Variants in CREBBP observed in about 807,000 individuals in gnomAD.
CREBBP encodes CREB-binding protein.
In CREBBP, 19 loss-of-function variants were observed where a neutral mutation model predicts 265.0. The observed-to-expected ratio is 0.07, with a 90% CI of 0.05 to 0.11. The LOEUF (loss-of-function observed/expected upper bound fraction) is 0.11. Among genes scored for constraint, CREBBP ranks in the 10% least tolerant of loss-of-function variants. The pLI is 1.00. For synonymous variants in CREBBP, 1,457 were observed against 1,223.7 expected, an observed-to-expected ratio of 1.19 and a Z score of -3.98; for missense variants, 2,525 against 3,219.0, an observed-to-expected ratio of 0.78 and a Z score of 5.22.
rs1596805236 is a variant in CREBBP, at chr16:3,736,501, C to T, written c.4560+149G>A. On this transcript the variant is annotated intron_variant, in intron 27 of 30. Transcript: ENST00000262367. ...CCTCAATCAGCTGAAGAAAATGCTT[C>T]TAAGTTCTCACTTTAGGCTTTTATT... The T allele has an allele frequency of 9.1e-6, 11 of 1,206,858 alleles. No individual in the cohort carries two copies. In the Admixed American group the frequency reaches 9.6e-5, roughly 11 times the overall value. 74.8% of individuals were successfully genotyped at this position (1,206,858 alleles called of 1,614,324 possible).
At chr16:3,750,775 G>A (rs2052454558) in intron 20 of CREBBP, among the ~76,000 whole-genome samples, 1 of 152,216 alleles carries the variant, frequency 6.6e-6, no homozygotes. Flanking sequence ...AAAAAATGGG[G>A]TTGGAGAACA....
chr16:3,787,932 C>T (rs540909520), intron 5 of CREBBP, among the ~76,000 whole-genome samples: 48 of 152,308 alleles, frequency 3.2e-4, no homozygotes, highest in African/African-American at 1.1e-3. Context: ...TCTCACTCAG[C>T]CTCCCAAAGT....
Position 3,757,347 on chromosome 16 carries a change from G to A in CREBBP, c.3639C>T (p.Cys1213=), listed in dbSNP as rs904796024. 2.5e-6 allele frequency: 4 copies of A among 1,613,744 alleles called. No homozygotes were observed. In the African/African-American group the frequency reaches 4.0e-5, roughly 16 times the overall value. Residue 1213 remains cysteine (C), a synonymous_variant, in exon 19 of 31, where the codon TGC becomes TGT. Coordinates refer to ENST00000262367, the MANE Select transcript of CREBBP (RefSeq NM_004380.3). Reference sequence around the variant, plus strand: ...GAATGGTACACAGCTGCTTCCCATAGCAGCACAAAGTCTGTGGGGAAAACT... The same window carrying A: ...GAATGGTACACAGCTGCTTCCCATAACAGCACAAAGTCTGTGGGGAAAACT... ...KYEFSPQTLC[C]YGKQLCTIPR...
chr16:3,868,358 C>T (rs1327295032), intron 1 of CREBBP, among the ~76,000 whole-genome samples: 3 of 131,064 alleles, frequency 2.3e-5, no homozygotes, highest in Non-Finnish European at 5.3e-5. Context: ...TTCATGGGGC[C>T]CTTTTCCTGC....
chr16:3,736,626 C>A (rs1283372100), intron 27 of CREBBP, 24 bp downstream of exon 27: 2 of 1,614,244 alleles, frequency 1.2e-6, no homozygotes, highest in East Asian at 2.2e-5. Context: ...ACAAAAGCCA[C>A]CACCTTCCTT....
intron 24 of CREBBP, among the ~76,000 whole-genome samples, 161 bp downstream of exon 24, chr16:3,740,238 C>T (rs1470945279): frequency 6.6e-6 from 1 of 152,206 alleles, no homozygotes; most frequent in Non-Finnish European, 1.5e-5. Flanking sequence ...GTAACTAAAA[C>T]CCCAGACAGG....
chr16:3,835,948 C>A (rs1376809072), intron 2 of CREBBP, among the ~76,000 whole-genome samples: 1 of 151,922 alleles, frequency 6.6e-6, no homozygotes. Flanking sequence ...AACGGACAAG[C>A]AAATTATGCT....
chr16:3,814,215 C>CTGTGTGTG (rs6145729), intron 2 of CREBBP, among the ~76,000 whole-genome samples: 12 of 104,062 alleles, frequency 1.2e-4, no homozygotes, highest in Non-Finnish European at 1.0e-4. Context: ...GAGTCTCGTT[C>CTGTGTGTG]TGTGTGTGTG....
chr16:3,861,646 C>G (rs1359073870), intron 1 of CREBBP, among the ~76,000 whole-genome samples: 1 of 106,142 alleles, frequency 9.4e-6, no homozygotes, highest in African/African-American at 4.1e-5. Flanking sequence ...GAACAACTCT[C>G]TATACCAAAA....
rs1465323630 is a variant in CREBBP at position 3,761,332 on chromosome 16, A to T, written c.3251-2360T>A. Among the ~76,000 whole-genome samples, 4 of 152,200 alleles carry T rather than the reference A, an allele frequency of 2.6e-5. No homozygotes were observed. The East Asian group carries it at 7.7e-4, about 29-fold the overall frequency. On this transcript the variant is annotated intron_variant, in intron 16 of 30. Coordinates refer to ENST00000262367, the MANE Select transcript of CREBBP (RefSeq NM_004380.3). The stretch of plus-strand genomic sequence containing the variant: ...AGATTAAAATATGGTAAACATTTAA[A>T]GTTCCAGTTGGGAAGCGGCAAGCAT...
intron 1 of CREBBP, among the ~76,000 whole-genome samples, chr16:3,851,306 T>TAAAAAAAAAAAAAAAAAAAAA (rs1160251196): frequency 1.3e-5 from 1 of 76,492 alleles, no homozygotes. Context: ...AAAAAAAAAT[T>TAAAAAAAAAAAAAAAAAAAAA]AAAAAAAAAA....
chr16:3,759,028 A>G (rs1171294382), intron 16 of CREBBP, 56 bp from the exon 17 acceptor site: 4 of 1,332,390 alleles, frequency 3.0e-6, no homozygotes, highest in Non-Finnish European at 4.3e-6. Context: ...GATCCCTCCT[A>G]CCTCACATTT....
At chr16:3,820,984 G>C (rs894405454) in intron 2 of CREBBP, among the ~76,000 whole-genome samples, 1 of 152,212 alleles carries the variant, frequency 6.6e-6, no homozygotes, top group Non-Finnish European at 1.5e-5. Flanking sequence ...CCTACAGTTA[G>C]AGACGCTGGT....
rs766543865 is a variant in CREBBP, at chr16:3,745,009, T to C, written c.3915-48A>G. The C allele has an allele frequency of 1.1e-5, 15 of 1,367,916 alleles. No homozygotes were observed. In the South Asian group the frequency reaches 1.7e-4, roughly 16 times the overall value. The allele number at this position is 1,367,916 out of a possible 1,614,324, so 84.7% of individuals were successfully genotyped here. On this transcript the variant is annotated intron_variant, in intron 22 of 30. Transcript: ENST00000262367. ...TGAGACTGTATATAATGATGTAAAT[T>C]GTCAAACCAACAAAATGCAGCATTC...
At chr16:3,765,483 A>G (rs2052829508) in intron 16 of CREBBP, among the ~76,000 whole-genome samples, 1 of 152,238 alleles carries the variant, frequency 6.6e-6, no homozygotes, top group African/African-American at 2.4e-5. Flanking sequence ...ATAGTTACTA[A>G]GCTCTGGTTA....
At chr16:3,773,090 C>A (rs1196651396) in intron 13 of CREBBP, among the ~76,000 whole-genome samples, 1 of 151,574 alleles carries the variant, frequency 6.6e-6, no homozygotes, top group Non-Finnish European at 1.5e-5. Flanking sequence ...TGTCTTAAAA[C>A]AGACAAACAA....
intron 5 of CREBBP, among the ~76,000 whole-genome samples, chr16:3,787,698 C>T (rs1229094797): frequency 2.0e-5 from 3 of 151,520 alleles, no homozygotes; most frequent in East Asian, 1.9e-4. Context: ...CTTGCTCTGT[C>T]GCCCAGGCTG....
intron 30 of CREBBP, among the ~76,000 whole-genome samples, 183 bp from the exon 31 acceptor site, chr16:3,730,057 AGATGGGATCATGGACGG>A (rs1181039448): frequency 5.3e-5 from 8 of 152,202 alleles, no homozygotes; most frequent in South Asian, 4.1e-4. Context: ...AGCACGGACA[AGATGGGATCATGGACGG>A]GATGGGATCA....
intron 5 of CREBBP, among the ~76,000 whole-genome samples, chr16:3,789,125 T>C (rs1168256908): frequency 6.6e-6 from 1 of 152,180 alleles, no homozygotes; most frequent in Non-Finnish European, 1.5e-5. Context: ...ACCAAGGAAG[T>C]GTGCATCAGG....
Sources: gnomAD v4.1 joint callset for allele counts (sites outside exome capture counted in the v4.1 genomes callset) on GRCh38, gnomAD v4.1.1 for gene constraint, MANE v1.5 for transcripts, NCBI Gene and HGNC (gene_info 2026-07-23, HGNC 2026-07-21) for gene names.